Variants in MRPL24 observed in about 807,000 individuals in gnomAD.
The protein encoded by MRPL24 is mitochondrial ribosomal protein L24.
In MRPL24, 15 loss-of-function variants were observed where a neutral mutation model predicts 26.9. The observed-to-expected ratio is 0.56, with a 90% CI of 0.37 to 0.86. The LOEUF (loss-of-function observed/expected upper bound fraction) is 0.86. Among genes scored for constraint, MRPL24 ranks in the 40% least tolerant of loss-of-function variants. MRPL24 has a pLI of 0.00. For missense variants in MRPL24, 241 were observed against 281.4 expected (o/e 0.86, Z 1.03); for synonymous variants, 92 against 102.4 (o/e 0.90, Z 0.62).
At position 156,737,358 on chromosome 1, in the gene MRPL24, G is replaced by C. The variant is rs752843159; in HGVS notation, c.*40C>G. ...AAAAAGAAGTGCCTCAGCCTTCAAG[G>C]CTGGGACAGAAGTTGGGGAGGAGCT... On this transcript the variant is annotated 3_prime_UTR_variant, in exon 6 of 6. Transcript: ENST00000361531. The C allele has an allele frequency of 8.5e-6, 13 of 1,532,016 alleles. No individual in the cohort carries two copies. The Admixed American group carries it at 2.5e-4, about 29-fold the overall frequency. 94.9% of individuals were successfully genotyped at this position (1,532,016 alleles called of 1,614,324 possible). A position where few individuals can be genotyped will look rare whatever the true frequency, so the allele number is the denominator to read the frequency against.
rs1649939062 is a variant in MRPL24 at position 156,738,024 on chromosome 1, T to C, written c.383+7A>G. ...AGAAACCCTCTGCCCAGAGCCCCGTTGCTTGCCTGTCCATAGGATCCACAA... is the reference window on the plus strand; with the variant it reads ...AGAAACCCTCTGCCCAGAGCCCCGTCGCTTGCCTGTCCATAGGATCCACAA... On this transcript the variant is annotated splice_region_variant and intron_variant, in intron 4 of 5. Coordinates refer to ENST00000361531, the MANE Select transcript of MRPL24 (RefSeq NM_145729.3). The C allele has an allele frequency of 1.2e-6, 2 of 1,613,792 alleles. No homozygotes were observed. Among genetic ancestry groups the C allele is most frequent in the East Asian group, 2.2e-5 (1 of 44,868 alleles).
upstream of MRPL24, among the ~76,000 whole-genome samples, chr1:156,741,901 C>G (rs1271790250): frequency 6.6e-6 from 1 of 152,146 alleles, no homozygotes; most frequent in Non-Finnish European, 1.5e-5. Context: ...GTGCGTTAAA[C>G]AGTGGCTGGG....
intron 4 of MRPL24, 97 bp from the exon 5 acceptor site, chr1:156,737,873 C>A: frequency 6.5e-7 from 1 of 1,530,666 alleles, no homozygotes; most frequent in East Asian, 2.3e-5. Flanking sequence ...GGGTTACCAC[C>A]GCGTTTCTCC....
chr1:156,737,716 T>C lies in MRPL24; in HGVS notation c.444A>G (p.Thr148=). The change falls in exon 5 of 6, where the codon ACA becomes ACG. Residue 148 remains threonine (T), a synonymous_variant. Transcript: ENST00000361531. The part of the protein sequence containing the change: ...TEAGERVRVS[T]RSGRIIPKPE... ...GTTTAGGGATAATTCTCCCTGATCG[T>C]GTGGAGACTCGTACCCGCTCTCCTG... is the stretch of plus-strand genomic sequence containing the variant. The C allele has an allele frequency of 6.2e-7, 1 of 1,614,092 alleles. No homozygotes were observed. Among genetic ancestry groups the C allele is most frequent in the Non-Finnish European group, 8.5e-7 (1 of 1,179,980 alleles).
rs757874138 is a variant in MRPL24, at chr1:156,738,124, T to C, written c.290A>G (p.Tyr97Cys). ...CCGGTAATCCATGGTCTTGCCAATGTAGCGGTAATGCTGTCCAAGAGAGGG... is the reference window on the plus strand; with the variant it reads ...CCGGTAATCCATGGTCTTGCCAATGCAGCGGTAATGCTGTCCAAGAGAGGG... ...VVGGLNTHYR[Y>C]IGKTMDYRGT... The change falls in exon 4 of 6, where the codon TAC becomes TGC. Residue 97 changes from tyrosine (Y) to cysteine (C), a missense_variant. Transcript: ENST00000361531. The C allele has an allele frequency of 6.2e-7, 1 of 1,614,180 alleles. No individual in the cohort carries two copies. The highest frequency in any genetic ancestry group is 8.5e-7 in the Non-Finnish European group (1 of 1,180,026).
In MRPL24 at chr1:156,737,784, A is replaced by G; in HGVS notation, c.384-8T>C. 6.2e-7 allele frequency: 1 copy of G among 1,613,940 alleles called. No individual in the cohort carries two copies. The highest frequency in any genetic ancestry group is 1.3e-5 in the African/African-American group (1 of 75,000). On this transcript the variant is annotated splice_polypyrimidine_tract_variant and splice_region_variant and intron_variant, in intron 4 of 5. Transcript: ENST00000361531. ...TCGATCTCAGTGGGTTTCCTGGTGG[A>G]TAGAAGAGGTGAGCCTGGCCTACGA...
chr1:156,738,356 C>A lies in MRPL24; in HGVS notation c.266G>T (p.Gly89Val). 1 of 1,614,150 alleles carries A rather than the reference C, an allele frequency of 6.2e-7. No individual in the cohort carries two copies. Among genetic ancestry groups the A allele is most frequent in the Non-Finnish European group, 8.5e-7 (1 of 1,180,016 alleles). The change falls in exon 3 of 6, where the codon GGA becomes GTA. Residue 89 changes from glycine to valine, a missense_variant. Physicochemically the swap from Gly to Val is moderately radical, Grantham distance 109. Transcript: ENST00000361531. ...VIRQRNWVVV[G>V]GLNTHYRYIG... ...CTCTCAACTTACTGTGTTCAGCCCTCCCACGACCACCCAGTTTCGCTGCCG... is the reference window on the plus strand; with the variant it reads ...CTCTCAACTTACTGTGTTCAGCCCTACCACGACCACCCAGTTTCGCTGCCG...
rs1009355647 is a variant in MRPL24, at chr1:156,738,360, C to T, written c.262G>A (p.Val88Met). Residue 88 changes from valine (V) to methionine (M), a missense_variant, in exon 3 of 6, where the codon GTG (valine) becomes ATG (methionine). By Grantham distance (21) the Val-to-Met change is conservative (BLOSUM62 1). Transcript: ENST00000361531. ...QVIRQRNWVVVGGLNTHYRYI... is the reference protein window; with the variant it reads ...QVIRQRNWVVMGGLNTHYRYI... ...CAACTTACTGTGTTCAGCCCTCCCA[C>T]GACCACCCAGTTTCGCTGCCGGATA... 28 of 1,614,030 alleles carry T rather than the reference C, an allele frequency of 1.7e-5. No homozygotes were observed. The highest frequency in any genetic ancestry group is 2.2e-5 in the East Asian group (1 of 44,898).
chr1:156,737,564 G>C (rs746770080), intron 5 of MRPL24, 30 bp from the exon 6 acceptor site: 45 of 1,603,226 alleles, frequency 2.8e-5, no homozygotes, highest in Non-Finnish European at 3.7e-5. Context: ...TTAGATGGGT[G>C]GGAGGGCTTG....
At chr1:156,739,580 C>T (rs942236985) in intron 1 of MRPL24, among the ~76,000 whole-genome samples, 1 of 152,046 alleles carries the variant, frequency 6.6e-6, no homozygotes, top group African/African-American at 2.4e-5. Context: ...CATAAAGAGC[C>T]CTGGACAAGG....
At chr1:156,741,145 C>A (rs1650091609), upstream of MRPL24, 1 of 152,194 alleles carries the variant, frequency 6.6e-6, no homozygotes. Flanking sequence ...AGTTGTAGTC[C>A]AAGTGTAAAA....
Position 156,738,052 on chromosome 1 carries a change from T to G in MRPL24, c.362A>C (p.Lys121Thr), listed in dbSNP as rs566258869. The change falls in exon 4 of 6, where the codon AAA (lysine) becomes ACA (threonine). Residue 121 changes from lysine (K) to threonine (T), a missense_variant. Physicochemically the swap from Lys to Thr is moderately conservative, Grantham distance 78 (BLOSUM62 -1). Transcript: ENST00000361531. The part of the protein sequence containing the change: ...SEAPLLHRQV[K>T]LVDPMDRKPT... ...TTGCCTGTCCATAGGATCCACAAGT[T>G]TGACCTGGCGGTGGAGCAAGGGGGC... 16 of 1,613,958 alleles carry G rather than the reference T, an allele frequency of 9.9e-6. No individual in the cohort carries two copies. The highest frequency in any genetic ancestry group is 1.7e-5 in the Admixed American group (1 of 59,986).
Position 156,738,443 on chromosome 1 carries a change from G to C in MRPL24, c.184-5C>G, listed in dbSNP as rs1218138410. ...CTTGCCTTCTAGGATCTCCACCTGTGGGAAGATACGAAGGTTAGGGAGGGG... is the reference window on the plus strand; with the variant it reads ...CTTGCCTTCTAGGATCTCCACCTGTCGGAAGATACGAAGGTTAGGGAGGGG... On this transcript the variant is annotated splice_region_variant and splice_polypyrimidine_tract_variant and intron_variant, in intron 2 of 5. Coordinates refer to ENST00000361531, the MANE Select transcript of MRPL24 (RefSeq NM_145729.3). The C allele has an allele frequency of 3.7e-6, 6 of 1,613,762 alleles. No homozygotes were observed. The highest frequency in any genetic ancestry group is 5.1e-6 in the Non-Finnish European group (6 of 1,179,846).
upstream of MRPL24, chr1:156,741,658 C>T (rs534805672): frequency 5.3e-5 from 8 of 152,236 alleles, no homozygotes; most frequent in South Asian, 2.1e-4. Context: ...GGAATTTCAC[C>T]CTACCAACCC....
Position 156,740,733 on chromosome 1 carries a change from G to C in MRPL24, c.-61+279C>G, listed in dbSNP as rs1406117166. The stretch of plus-strand genomic sequence containing the variant: ...CCCAGAGCAGCTTGCATGCCCCCGA[G>C]ATCCTTCCCTTCTTTCCCTTCACAA... On this transcript the variant is annotated intron_variant, in intron 1 of 5. Transcript: ENST00000361531. Among the ~76,000 whole-genome samples, 4 of 152,150 alleles carry C rather than the reference G, an allele frequency of 2.6e-5. No individual in the cohort carries two copies. The East Asian group carries it at 7.7e-4, about 29-fold the overall frequency.
At chr1:156,737,938 A>C in intron 4 of MRPL24, 93 bp downstream of exon 4, 1 of 1,448,816 alleles carries the variant, frequency 6.9e-7, no homozygotes, top group Non-Finnish European at 9.5e-7. Flanking sequence ...GGTCCCTCTT[A>C]ATTTCCAGAG....
upstream of MRPL24, chr1:156,742,512 A>AG (rs1650193995): frequency 1.3e-5 from 2 of 152,476 alleles, no homozygotes; most frequent in Non-Finnish European, 2.9e-5. Flanking sequence ...ACAAAGGGTT[A>AG]GGGGTCTTTA....
chr1:156,738,199 C>A, intron 3 of MRPL24, 65 bp from the exon 4 acceptor site: 2 of 1,568,136 alleles, frequency 1.3e-6, no homozygotes, highest in South Asian at 1.1e-5. Context: ...TGCTACTCGG[C>A]GCATTCAGCC....
chr1:156,738,190 G>C, intron 3 of MRPL24, 56 bp from the exon 4 acceptor site: 2 of 1,580,024 alleles, frequency 1.3e-6, no homozygotes, highest in Non-Finnish European at 1.7e-6. Flanking sequence ...GTTTGCCCTT[G>C]CTACTCGGCG....
Sources: gnomAD v4.1 joint callset for allele counts (sites outside exome capture counted in the v4.1 genomes callset) on GRCh38, gnomAD v4.1.1 for gene constraint, MANE v1.5 for transcripts, NCBI Gene and HGNC (gene_info 2026-07-23, HGNC 2026-07-21) for gene names.